Variants in MGAT4C observed in about 807,000 individuals in gnomAD.
MGAT4C encodes the protein alpha-1,3-mannosyl-glycoprotein 4-beta-N-acetylglucosaminyltransferase C.
MGAT4C carries 19 observed loss-of-function variants against 40.1 expected under a neutral mutation model. That is an observed-to-expected ratio of 0.47 (90% CI 0.33 to 0.70). The LOEUF is 0.70. Ranked by LOEUF, MGAT4C falls within the 30% of genes least tolerant of loss-of-function variation. The probability of loss-of-function intolerance (pLI) is 0.02; values close to 1 mark genes in which losing one functional copy is unlikely to be tolerated. For synonymous variants in MGAT4C, 181 were observed against 187.1 expected (o/e 0.97, Z 0.27); for missense variants, 491 against 563.2 (o/e 0.87, Z 1.30).
intron 2 of MGAT4C, among the ~76,000 whole-genome samples, chr12:86,635,790 C>T (rs2136512637): frequency 6.6e-6 from 1 of 151,846 alleles, no homozygotes; most frequent in East Asian, 1.9e-4. Context: ...GATGCTCCCA[C>T]CTTGGTCTCC....
At chr12:86,408,852 T>C (rs1487924629) in intron 3 of MGAT4C, among the ~76,000 whole-genome samples, 2 of 152,104 alleles carry the variant, frequency 1.3e-5, no homozygotes, top group Non-Finnish European at 2.9e-5. Context: ...TGTTCATTTT[T>C]AATGTCTTCT....
At chr12:86,061,540 G>A (rs12831303) in intron 1 of MGAT4C, among the ~76,000 whole-genome samples, 6,025 of 151,888 alleles carry the variant, frequency 0.04, 158 homozygotes, top group Non-Finnish European at 0.058. Flanking sequence ...CACTCCCTTG[G>A]AAAGGGGGCT....
chr12:86,830,304 A>C (rs1481807057), intron 1 of MGAT4C, among the ~76,000 whole-genome samples: 1 of 151,488 alleles, frequency 6.6e-6, no homozygotes, highest in African/African-American at 2.4e-5. Flanking sequence ...GGGTCTGACT[A>C]TTCCTATCCC....
chr12:86,042,138 C>T (rs1481686721), intron 2 of MGAT4C, among the ~76,000 whole-genome samples: 3 of 152,144 alleles, frequency 2.0e-5, no homozygotes, highest in South Asian at 2.1e-4. Flanking sequence ...GCAATGCCTG[C>T]TTTTTTGTTT....
chr12:86,285,988 C>T (rs930629257), intron 4 of MGAT4C, among the ~76,000 whole-genome samples: 8 of 151,848 alleles, frequency 5.3e-5, no homozygotes, highest in Non-Finnish European at 1.2e-4. Context: ...TACAACAAAC[C>T]AGAAATAATT....
intron 1 of MGAT4C, among the ~76,000 whole-genome samples, chr12:86,789,012 T>C (rs978417055): frequency 2.0e-5 from 3 of 152,106 alleles, no homozygotes; most frequent in African/African-American, 7.2e-5. Flanking sequence ...ACAAGAAGTG[T>C]ATTCATAGTG....
intron 1 of MGAT4C, among the ~76,000 whole-genome samples, chr12:86,785,613 A>G (rs914871466): frequency 1.2e-4 from 18 of 151,860 alleles, no homozygotes; most frequent in Non-Finnish European, 1.8e-4. Context: ...AAAAATAACA[A>G]TAGTCAATAA....
intron 2 of MGAT4C, among the ~76,000 whole-genome samples, chr12:86,700,964 C>G (rs1191692683): frequency 6.6e-6 from 1 of 151,874 alleles, no homozygotes; most frequent in Non-Finnish European, 1.5e-5. Context: ...ATAATGTAAA[C>G]TTTTCCAAGA....
chr12:86,820,657 A>G (rs1593238305), intron 1 of MGAT4C, among the ~76,000 whole-genome samples: 1 of 150,980 alleles, frequency 6.6e-6, no homozygotes, highest in South Asian at 2.1e-4. Context: ...GAATTTAATA[A>G]TAAAGTGATA....
chr12:86,298,849 A>G (rs1057013636), intron 4 of MGAT4C, among the ~76,000 whole-genome samples: 1 of 152,138 alleles, frequency 6.6e-6, no homozygotes, highest in African/African-American at 2.4e-5. Flanking sequence ...GTATATCTAT[A>G]CCAATCACTC....
rs545999585 is a variant in MGAT4C at position 86,589,118 on chromosome 12, G to A, written c.-229+138091C>T. On this transcript the variant is annotated intron_variant, in intron 2 of 7. Transcript: ENST00000548651. Reference sequence around the variant, plus strand: ...AAAAAATTAATGAATCCAGGAGCTGGTTTTCTGAAAGGATCAACAAAATTG... The same window carrying A: ...AAAAAATTAATGAATCCAGGAGCTGATTTTCTGAAAGGATCAACAAAATTG... Among the ~76,000 whole-genome samples, 138 of 151,942 alleles carry A rather than the reference G, an allele frequency of 9.1e-4. 2 individuals are homozygous for A. The East Asian group carries it at 0.024, about 27-fold the overall frequency.
intron 3 of MGAT4C, among the ~76,000 whole-genome samples, chr12:86,393,718 A>G (rs893609090): frequency 1.3e-5 from 2 of 152,162 alleles, no homozygotes; most frequent in Admixed American, 1.3e-4. Context: ...CTGATTCTCA[A>G]TGGGTGGCAG....
At chr12:86,239,908 G>A (rs1008674127) in intron 1 of MGAT4C, among the ~76,000 whole-genome samples, 23 of 150,120 alleles carry the variant, frequency 1.5e-4, no homozygotes, top group Non-Finnish European at 3.3e-4. Context: ...GATAGCATTG[G>A]GAGATATACC....
chr12:86,664,033 C>T (rs1305666184), intron 2 of MGAT4C, among the ~76,000 whole-genome samples: 1 of 152,032 alleles, frequency 6.6e-6, no homozygotes, highest in Non-Finnish European at 1.5e-5. Flanking sequence ...GGCATTCAAA[C>T]ATTTGGAAAT....
intron 1 of MGAT4C, among the ~76,000 whole-genome samples, chr12:86,063,965 C>T (rs767442763): frequency 6.6e-6 from 1 of 152,038 alleles, no homozygotes; most frequent in Admixed American, 6.6e-5. Context: ...ACTTTAACAC[C>T]CCACCATCAA....
intron 2 of MGAT4C, among the ~76,000 whole-genome samples, chr12:86,596,495 T>C (rs1277792842): frequency 6.6e-6 from 1 of 152,194 alleles, no homozygotes; most frequent in African/African-American, 2.4e-5. Flanking sequence ...CACAGATGCC[T>C]AAGAGCCGAT....
At chr12:86,444,804 C>T (rs1319625242) in intron 2 of MGAT4C, among the ~76,000 whole-genome samples, 1 of 152,164 alleles carries the variant, frequency 6.6e-6, no homozygotes, top group Non-Finnish European at 1.5e-5. Context: ...ATCTCCAGAA[C>T]ATTTTCATCT....
chr12:86,479,508 C>T (rs1957898375), intron 2 of MGAT4C, among the ~76,000 whole-genome samples: 1 of 151,786 alleles, frequency 6.6e-6, no homozygotes, highest in African/African-American at 2.4e-5. Context: ...AAAAGATTCA[C>T]ATTGAAATAG....
intron 2 of MGAT4C, among the ~76,000 whole-genome samples, chr12:86,610,516 A>G (rs1962212576): frequency 6.6e-6 from 1 of 151,840 alleles, no homozygotes; most frequent in Admixed American, 6.6e-5. Context: ...TCCTGGAAGC[A>G]GACACCAAGG....
Sources: allele counts gnomAD v4.1 joint callset (sites outside exome capture counted in the v4.1 genomes callset), GRCh38; gene constraint gnomAD v4.1.1; transcripts MANE v1.5; gene names NCBI Gene and HGNC (gene_info 2026-07-23, HGNC 2026-07-21).